The following BCKDHB variants were observed in gnomAD, a reference collection of about 807,000 sequenced individuals.
The protein encoded by BCKDHB is 2-oxoisovalerate dehydrogenase subunit beta, mitochondrial.
A neutral mutation model predicts 48.5 loss-of-function variants in BCKDHB; 41 were observed. That is an observed-to-expected ratio of 0.85 (90% CI 0.66 to 1.10). The LOEUF is 1.10. Among genes scored for constraint, BCKDHB ranks in the 50% least tolerant of loss-of-function variants. BCKDHB has a pLI of 0.00. For missense variants in BCKDHB, 496 were observed against 494.2 expected (o/e 1.00, Z -0.03); for synonymous variants, 201 against 174.8 (o/e 1.15, Z -1.18).
the BCKDHB span, among the ~76,000 whole-genome samples, chr6:80,397,245 G>A: frequency 6.6e-6 from 1 of 151,996 alleles, no homozygotes; most frequent in Non-Finnish European, 1.5e-5. Flanking sequence ...ACTTTTTAAG[G>A]GTATTTGGAG....
At chr6:80,201,918 A>T (rs997798938) in intron 7 of BCKDHB, among the ~76,000 whole-genome samples, 7 of 151,716 alleles carry the variant, frequency 4.6e-5, no homozygotes, top group Admixed American at 2.6e-4. Flanking sequence ...ACAAGCTCCT[A>T]CTCTCCTTTC....
intron 8 of BCKDHB, among the ~76,000 whole-genome samples, chr6:80,255,172 A>G (rs1033262721): frequency 6.6e-6 from 1 of 152,152 alleles, no homozygotes; most frequent in African/African-American, 2.4e-5. Context: ...TCTTAGTTGT[A>G]TTGGTTTTAT....
chr6:80,132,178 T>A (rs1047604845), intron 3 of BCKDHB, among the ~76,000 whole-genome samples: 2 of 151,654 alleles, frequency 1.3e-5, no homozygotes, highest in Non-Finnish European at 2.9e-5. Context: ...TCTGATTACC[T>A]GGTAGACTCC....
intron 8 of BCKDHB, among the ~76,000 whole-genome samples, chr6:80,241,376 A>G (rs1039529999): frequency 1.3e-5 from 2 of 152,156 alleles, no homozygotes; most frequent in African/African-American, 4.8e-5. Flanking sequence ...GTTTCTCCCC[A>G]TCTTTGTGGT....
intron 6 of BCKDHB, among the ~76,000 whole-genome samples, chr6:80,196,595 G>A (rs545750690): frequency 1.3e-5 from 2 of 152,022 alleles, no homozygotes; most frequent in Non-Finnish European, 2.9e-5. Context: ...CATATATTGA[G>A]TATGCAGCAA....
intron 8 of BCKDHB, among the ~76,000 whole-genome samples, chr6:80,243,118 G>A (rs1386095849): frequency 6.6e-6 from 1 of 152,162 alleles, no homozygotes; most frequent in East Asian, 1.9e-4. Context: ...TGAAAGACTG[G>A]ACAATAGGAT....
At chr6:80,106,645 G>T (rs767423133), upstream of BCKDHB, 1 of 1,535,342 alleles carries the variant, frequency 6.5e-7, no homozygotes, top group Non-Finnish European at 8.8e-7. Flanking sequence ...CGCCCTCCCC[G>T]CAGGCGGCGT....
chr6:80,141,773 C>G (rs1771226491), intron 3 of BCKDHB, among the ~76,000 whole-genome samples: 1 of 152,012 alleles, frequency 6.6e-6, no homozygotes, highest in Non-Finnish European at 1.5e-5. Flanking sequence ...TTATTAAGAA[C>G]AATATGTATT....
chr6:80,171,272 G>T lies in BCKDHB; in HGVS notation c.634-10G>T. The T allele has an allele frequency of 6.4e-7, 1 of 1,570,850 alleles. No homozygotes were observed. Among genetic ancestry groups the T allele is most frequent in the Non-Finnish European group, 8.7e-7 (1 of 1,144,096 alleles). On this transcript the variant is annotated splice_polypyrimidine_tract_variant and intron_variant, in intron 5 of 9. Transcript: ENST00000320393. ...TACTAAAATTGTCTTAAAAAAATCT[G>T]TTTTTGCAGGTGGTTATACCCAGAA...
chr6:80,431,730 G>C, the BCKDHB span, among the ~76,000 whole-genome samples: 3 of 152,320 alleles, frequency 2.0e-5, no homozygotes, highest in African/African-American at 7.2e-5. Context: ...CAGGTGAGAT[G>C]TGTCTCTTGA....
At chr6:80,209,235 T>G (rs935655025) in intron 8 of BCKDHB, among the ~76,000 whole-genome samples, 12 of 151,936 alleles carry the variant, frequency 7.9e-5, no homozygotes, top group African/African-American at 2.4e-4. Flanking sequence ...TTGACAGCTT[T>G]CCTCTTGATA....
chr6:80,372,458 T>A, the BCKDHB span, among the ~76,000 whole-genome samples: 46 of 152,182 alleles, frequency 3.0e-4, no homozygotes, highest in Non-Finnish European at 5.0e-4. Flanking sequence ...CTTATCTGAT[T>A]GCTCTGGCTA....
At chr6:80,360,160 C>T in the BCKDHB span, among the ~76,000 whole-genome samples, 2 of 152,172 alleles carry the variant, frequency 1.3e-5, no homozygotes, top group African/African-American at 4.8e-5. Context: ...TTTATTTCCT[C>T]AGGCTTCAAG....
chr6:80,303,512 T>G (rs1455795801), intron 9 of BCKDHB, among the ~76,000 whole-genome samples: 1 of 152,060 alleles, frequency 6.6e-6, no homozygotes, highest in Non-Finnish European at 1.5e-5. Context: ...TAAACATGGA[T>G]GGACACAAGC....
chr6:80,441,959 C>T, the BCKDHB span, among the ~76,000 whole-genome samples: 2 of 151,934 alleles, frequency 1.3e-5, no homozygotes, highest in African/African-American at 4.8e-5. Context: ...ATACAAAGAA[C>T]AAATATAGCG....
At chr6:80,107,423 ATGTGTGTGTGTG>A (rs60917181) in intron 1 of BCKDHB, among the ~76,000 whole-genome samples, 2 of 73,222 alleles carry the variant, frequency 2.7e-5, no homozygotes, top group African/African-American at 6.7e-5. Context: ...AATTGTGTGT[ATGTGTGTGTGTG>A]TGTGTGTGTG....
At chr6:80,446,909 A>T in the BCKDHB span, among the ~76,000 whole-genome samples, 2 of 151,844 alleles carry the variant, frequency 1.3e-5, no homozygotes, top group African/African-American at 4.8e-5. Flanking sequence ...TTCTGGTTGG[A>T]GATGTCATTT....
At chr6:80,460,188 C>A in the BCKDHB span, among the ~76,000 whole-genome samples, 2 of 152,076 alleles carry the variant, frequency 1.3e-5, no homozygotes, top group Non-Finnish European at 2.9e-5. Context: ...CTGGAAAAAA[C>A]AAATTTTATT....
chr6:80,338,295 G>A (rs1424430674), intron 9 of BCKDHB, among the ~76,000 whole-genome samples: 1 of 152,154 alleles, frequency 6.6e-6, no homozygotes, highest in African/African-American at 2.4e-5. Context: ...GTTGTCTATT[G>A]GGCTTTTTTA....
Sources: allele counts gnomAD v4.1 joint callset (sites outside exome capture counted in the v4.1 genomes callset), GRCh38; gene constraint gnomAD v4.1.1; transcripts MANE v1.5; gene names NCBI Gene and HGNC (gene_info 2026-07-23, HGNC 2026-07-21).